The following ZNF248 variants were observed in gnomAD, a reference collection of about 807,000 sequenced individuals.
ZNF248 encodes the protein KRAB protein domain.
ZNF248 carries 20 observed loss-of-function variants against 44.3 expected under a neutral mutation model. The observed-to-expected ratio is 0.45, with a 90% CI of 0.32 to 0.66. ZNF248 has a LOEUF of 0.66. Ranked by LOEUF, ZNF248 falls within the 30% of genes least tolerant of loss-of-function variation. ZNF248 has a pLI of 0.04. For synonymous variants in ZNF248, 224 were observed against 229.0 expected (o/e 0.98, Z 0.20); for missense variants, 654 against 677.0 (o/e 0.97, Z 0.38).
At chr10:37,822,771 C>CA (rs1166705113) in intron 6 of ZNF248, among the ~76,000 whole-genome samples, 1 of 151,826 alleles carries the variant, frequency 6.6e-6, no homozygotes, top group Non-Finnish European at 1.5e-5. Flanking sequence ...AAAAATAACA[C>CA]AAAAAAAGCT....
chr10:37,817,286 T>G (rs1361460088), intron 6 of ZNF248, among the ~76,000 whole-genome samples: 2 of 152,112 alleles, frequency 1.3e-5, no homozygotes, highest in Non-Finnish European at 2.9e-5. Context: ...AGATTTTTCT[T>G]GAATAAGTAG....
downstream of ZNF248, among the ~76,000 whole-genome samples, chr10:37,826,670 TTC>T (rs1251658384): frequency 6.6e-6 from 1 of 152,222 alleles, no homozygotes; most frequent in African/African-American, 2.4e-5. Flanking sequence ...GTAGTATCAA[TTC>T]ATCTACAGTT....
chr10:37,849,648 C>T (rs1411804374), intron 3 of ZNF248, among the ~76,000 whole-genome samples: 1 of 151,708 alleles, frequency 6.6e-6, no homozygotes, highest in Non-Finnish European at 1.5e-5. Context: ...GAGCACACCA[C>T]TGCACTCTAG....
At chr10:37,761,233 T>C in the ZNF248 span, among the ~76,000 whole-genome samples, 310 of 152,334 alleles carry the variant, frequency 2.0e-3, no homozygotes, top group Non-Finnish European at 3.0e-3. Flanking sequence ...GGAATAAATG[T>C]TGAGCCAGAA....
At chr10:37,794,090 G>A (rs11011370) in intron 6 of ZNF248, among the ~76,000 whole-genome samples, 16,546 of 152,146 alleles carry the variant, frequency 0.11, 1,159 homozygotes, top group Admixed American at 0.19. Flanking sequence ...CATTTCATCA[G>A]TTCTCTCATA....
chr10:37,832,107 G>A lies in ZNF248; in HGVS notation c.1248C>T (p.Ala416=). Reference sequence around the variant, plus strand: ...TGGTCAGGTGTGGTTTCTGGCAAAAGGCTTTCCCACATTCAGTACATTCAT... The same window carrying A: ...TGGTCAGGTGTGGTTTCTGGCAAAAAGCTTTCCCACATTCAGTACATTCAT... The part of the protein sequence containing the change: ...KPYECTECGK[A]FCQKPHLTNH... Residue 416 remains alanine, a synonymous_variant, in exon 6 of 6, where the codon GCC becomes GCT. Transcript: ENST00000395867. 2 of 1,613,948 alleles carry A rather than the reference G, an allele frequency of 1.2e-6. No individual in the cohort carries two copies. Among genetic ancestry groups the A allele is most frequent in the Non-Finnish European group, 1.7e-6 (2 of 1,179,928 alleles).
downstream of ZNF248, among the ~76,000 whole-genome samples, chr10:37,771,791 TA>T (rs954797655): frequency 5.3e-5 from 8 of 151,454 alleles, no homozygotes; most frequent in East Asian, 1.9e-4. Flanking sequence ...AAAATAAAAT[TA>T]AAAAAAACAA....
intron 6 of ZNF248, among the ~76,000 whole-genome samples, chr10:37,802,331 C>T (rs904427714): frequency 6.6e-6 from 1 of 152,134 alleles, no homozygotes; most frequent in Non-Finnish European, 1.5e-5. Flanking sequence ...GCAGACTCAC[C>T]TGCCTAGAAA....
chr10:37,849,370 T>A (rs1050448755), intron 3 of ZNF248, among the ~76,000 whole-genome samples: 12 of 151,266 alleles, frequency 7.9e-5, no homozygotes, highest in Non-Finnish European at 1.6e-4. Context: ...TCACAAATGG[T>A]GAAAAATTTT....
the ZNF248 span, among the ~76,000 whole-genome samples, chr10:37,764,358 C>T: frequency 2.0e-4 from 31 of 152,172 alleles, no homozygotes; most frequent in African/African-American, 6.8e-4. Flanking sequence ...AACCCTGTCT[C>T]CTGATAAGAT....
the ZNF248 span, among the ~76,000 whole-genome samples, chr10:37,763,410 G>T: frequency 6.6e-6 from 1 of 152,242 alleles, no homozygotes; most frequent in Non-Finnish European, 1.5e-5. Context: ...TGGCAGGGCA[G>T]TGTGAGTTTG....
chr10:37,825,413 T>C (rs2133747045), downstream of ZNF248, among the ~76,000 whole-genome samples: 1 of 152,300 alleles, frequency 6.6e-6, no homozygotes, highest in East Asian at 1.9e-4. Context: ...GCACCCACTG[T>C]GACAATGGTG....
chr10:37,818,993 T>C, intron 6 of ZNF248: 2 of 957,136 alleles, frequency 2.1e-6, no homozygotes, highest in South Asian at 1.3e-5. Context: ...TGGTGTTAAA[T>C]TGCAATAAGT....
intron 3 of ZNF248, among the ~76,000 whole-genome samples, chr10:37,852,922 C>T (rs1158257653): frequency 1.3e-5 from 2 of 151,660 alleles, no homozygotes; most frequent in Admixed American, 6.6e-5. Context: ...AGTGCAGTTG[C>T]GTGATCTCGG....
chr10:37,759,577 T>TA, the ZNF248 span, among the ~76,000 whole-genome samples: 4 of 152,206 alleles, frequency 2.6e-5, no homozygotes, highest in Non-Finnish European at 4.4e-5. Context: ...TCATCTCTGT[T>TA]AGTCACACAG....
intron 6 of ZNF248, among the ~76,000 whole-genome samples, chr10:37,808,805 C>T (rs1248429505): frequency 1.3e-5 from 2 of 152,030 alleles, no homozygotes; most frequent in African/African-American, 2.4e-5. Context: ...TAATGTTAGT[C>T]GGTCTTTAAA....
intron 6 of ZNF248, chr10:37,820,131 T>G: frequency 1.9e-6 from 2 of 1,047,090 alleles, no homozygotes; most frequent in East Asian, 4.8e-5. Context: ...AGTTGGCTCT[T>G]AATAAATCAT....
rs531802361 is a variant in ZNF248, at chr10:37,837,620, G to C, written c.235C>G (p.Pro79Ala). 22 of 1,613,538 alleles carry C rather than the reference G, an allele frequency of 1.4e-5. No homozygotes were observed. The highest frequency in any genetic ancestry group is 1.2e-4 in the South Asian group (11 of 91,026). ...CTGCCAGAAATCACTAACTCACCTG[G>C]GTGGCACTGGCTTGGGAATCCTTTT... ...LEKGFPSQCH[P>A]ERKWKVDDVL... The change falls in exon 5 of 6, where the codon CCA (proline) becomes GCA (alanine). Residue 79 changes from proline to alanine, a missense_variant. Pro to Ala is a conservative substitution (Grantham distance 27). Coordinates refer to ENST00000395867, the MANE Select transcript of ZNF248 (RefSeq NM_021045.3).
At chr10:37,858,025 C>G (rs1051656644), upstream of ZNF248, 2 of 152,304 alleles carry the variant, frequency 1.3e-5, no homozygotes, top group East Asian at 1.9e-4. Context: ...TCGCCGCCTC[C>G]GGAGGCGAGG....
Sources: gnomAD v4.1 joint callset for allele counts (sites outside exome capture counted in the v4.1 genomes callset) on GRCh38, gnomAD v4.1.1 for gene constraint, MANE v1.5 for transcripts, NCBI Gene and HGNC (gene_info 2026-07-23, HGNC 2026-07-21) for gene names.